MTCL3: variants seen among roughly 807,000 people sequenced by gnomAD.
MTCL3 encodes MTCL family member 3, also known as microtubule cross-linking factor 3.
chr6:127,510,747 T>G, the MTCL3 span, among the ~76,000 whole-genome samples: 2 of 152,236 alleles, frequency 1.3e-5, no homozygotes, highest in Non-Finnish European at 2.9e-5. Flanking sequence ...ATGGCGCCTA[T>G]GAGACTGACA....
the MTCL3 span, among the ~76,000 whole-genome samples, chr6:127,507,129 C>T: frequency 6.6e-6 from 1 of 152,124 alleles, no homozygotes; most frequent in African/African-American, 2.4e-5. Context: ...TTTAAATATA[C>T]ATGTATTAAA....
At chr6:127,476,432 C>T in the MTCL3 span, 1 of 1,608,046 alleles carries the variant, frequency 6.2e-7, no homozygotes, top group Non-Finnish European at 8.5e-7. This position sits in a 1 kb window ranked among gnomAD's most constrained non-coding sequence, Gnocchi z 4.4. Flanking sequence ...TCTTCCTTAA[C>T]AAACTGCAGC....
chr6:127,519,078 G>A, the MTCL3 span: 2 of 152,360 alleles, frequency 1.3e-5, no homozygotes, highest in South Asian at 4.2e-4. Flanking sequence ...GGGATAAAGA[G>A]ACAAAAAGGC....
At chr6:127,475,792 C>T in the MTCL3 span, 2 of 1,611,470 alleles carry the variant, frequency 1.2e-6, no homozygotes, top group Non-Finnish European at 1.7e-6. This position sits in a 1 kb window ranked among gnomAD's most constrained non-coding sequence, Gnocchi z 7.3. Context: ...GGGGCTGCCG[C>T]GGATGCCCAG....
At chr6:127,508,697 T>C in the MTCL3 span, among the ~76,000 whole-genome samples, 1 of 152,228 alleles carries the variant, frequency 6.6e-6, no homozygotes, top group Admixed American at 6.5e-5. Flanking sequence ...ATCTTACTCT[T>C]TTTCTTTGCT....
At chr6:127,491,156 G>T in the MTCL3 span, among the ~76,000 whole-genome samples, 1 of 152,198 alleles carries the variant, frequency 6.6e-6, no homozygotes, top group Non-Finnish European at 1.5e-5. Context: ...AAAAAGTTTA[G>T]AATATTCCAT....
At chr6:127,479,239 G>T in the MTCL3 span, among the ~76,000 whole-genome samples, 1 of 152,170 alleles carries the variant, frequency 6.6e-6, no homozygotes, top group Non-Finnish European at 1.5e-5. Context: ...TTTGTAAGCT[G>T]TCATGGCACT....
At chr6:127,481,667 C>T in the MTCL3 span, among the ~76,000 whole-genome samples, 3 of 152,046 alleles carry the variant, frequency 2.0e-5, no homozygotes, top group African/African-American at 7.2e-5. Flanking sequence ...TACTACAGTA[C>T]CATAGATTCC....
chr6:127,481,305 G>A, the MTCL3 span: 6 of 985,368 alleles, frequency 6.1e-6, no homozygotes, highest in Non-Finnish European at 6.0e-6. Context: ...TATTTAGAGT[G>A]AGTTGGATAA....
At chr6:127,475,740 G>A in the MTCL3 span, 1 of 1,596,884 alleles carries the variant, frequency 6.3e-7, no homozygotes. This position sits in a 1 kb window ranked among gnomAD's most constrained non-coding sequence, Gnocchi z 7.3. Context: ...AGTCGTCGTC[G>A]CTCTCCTTCT....
At chr6:127,516,130 G>T in the MTCL3 span, 5 of 1,457,036 alleles carry the variant, frequency 3.4e-6, no homozygotes, top group Non-Finnish European at 2.7e-6. Context: ...TTCTCCGAGC[G>T]GAGGGGGTTC....
At chr6:127,516,017 C>T in the MTCL3 span, 1 of 1,586,454 alleles carries the variant, frequency 6.3e-7, no homozygotes, top group South Asian at 1.1e-5. Flanking sequence ...GCGCGTACGC[C>T]TTTCCCTCGC....
At chr6:127,516,655 C>G in the MTCL3 span, 1 of 1,565,240 alleles carries the variant, frequency 6.4e-7, no homozygotes, top group African/African-American at 1.3e-5. Context: ...GAGCCCATTA[C>G]TAGATCATCC....
the MTCL3 span, among the ~76,000 whole-genome samples, chr6:127,489,121 T>G: frequency 3.3e-5 from 5 of 152,212 alleles, no homozygotes; most frequent in Non-Finnish European, 5.9e-5. Context: ...TTGGTAATTC[T>G]CCCATTATCT....
At chr6:127,507,330 A>G in the MTCL3 span, among the ~76,000 whole-genome samples, 115,419 of 151,990 alleles carry the variant, frequency 0.76, 44,280 homozygotes, top group Non-Finnish European at 0.81. Flanking sequence ...CAACAACATG[A>G]GGGTGTGCCA....
the MTCL3 span, chr6:127,514,918 A>T: frequency 6.2e-7 from 1 of 1,614,206 alleles, no homozygotes; most frequent in Admixed American, 1.7e-5. Flanking sequence ...CGGAGGCGGT[A>T]CTGCAGGATC....
At chr6:127,514,786 C>T in the MTCL3 span, 1 of 1,573,134 alleles carries the variant, frequency 6.4e-7, no homozygotes, top group South Asian at 1.1e-5. Flanking sequence ...CCACCCACCG[C>T]CCCTGCCGCG....
At chr6:127,475,426 T>G in the MTCL3 span, 41 of 1,613,132 alleles carry the variant, frequency 2.5e-5, no homozygotes, top group Non-Finnish European at 3.5e-5. The surrounding 1 kb of genome is among the most constrained non-coding windows in gnomAD (Gnocchi z 7.3). Context: ...CAGCTCGTGC[T>G]CCCGGATGCG....
chr6:127,494,837 A>G, the MTCL3 span, among the ~76,000 whole-genome samples: 1 of 152,184 alleles, frequency 6.6e-6, no homozygotes. Context: ...GGTTGGCACC[A>G]TGCAAAAGCC....
Sources: gnomAD v4.1 joint callset for allele counts (sites outside exome capture counted in the v4.1 genomes callset) on GRCh38, gnomAD v4.1.1 for gene constraint, Gnocchi (gnomAD v3.1) non-coding constraint, MANE v1.5 for transcripts, NCBI Gene and HGNC (gene_info 2026-07-23, HGNC 2026-07-21) for gene names.